Variants in CSMD3 observed in about 807,000 individuals in gnomAD.
CSMD3 encodes CUB and Sushi multiple domains 3.
Under a neutral mutation model 435.2 loss-of-function variants are expected in CSMD3, and 177 were observed. The observed-to-expected ratio is 0.41, with a 90% CI of 0.36 to 0.46. CSMD3 has a LOEUF of 0.46. Ranked by LOEUF, CSMD3 falls within the 20% of genes least tolerant of loss-of-function variation. The pLI is 0.34. For missense variants in CSMD3, 4,265 were observed against 4,504.6 expected, an observed-to-expected ratio of 0.95 and a Z score of 1.52; for synonymous variants, 1,656 against 1,520.5, an observed-to-expected ratio of 1.09 and a Z score of -2.07.
intron 45 of CSMD3, among the ~76,000 whole-genome samples, chr8:112,320,637 C>T (rs1340915847): frequency 1.4e-5 from 2 of 138,320 alleles, no homozygotes; most frequent in East Asian, 5.0e-4. Context: ...TATCCCTCCC[C>T]CCTCCCCTCC....
intron 1 of CSMD3, among the ~76,000 whole-genome samples, chr8:113,385,878 A>G (rs975267739): frequency 9.9e-5 from 15 of 152,102 alleles, no homozygotes; most frequent in Non-Finnish European, 2.2e-4. Flanking sequence ...GCTTTTTATT[A>G]AAATTCAATT....
intron 10 of CSMD3, among the ~76,000 whole-genome samples, chr8:112,881,247 G>A (rs564946548): frequency 6.6e-6 from 1 of 152,074 alleles, no homozygotes; most frequent in East Asian, 1.9e-4. Context: ...GGGGTGTCCT[G>A]AGGGTGTATA....
At chr8:112,972,064 A>G (rs1007107037) in intron 7 of CSMD3, among the ~76,000 whole-genome samples, 4 of 151,958 alleles carry the variant, frequency 2.6e-5, no homozygotes, top group Non-Finnish European at 5.9e-5. Flanking sequence ...CACTTAATTA[A>G]CACATAGATT....
intron 10 of CSMD3, among the ~76,000 whole-genome samples, chr8:112,908,237 T>C (rs1196302227): frequency 6.6e-6 from 1 of 151,482 alleles, no homozygotes; most frequent in African/African-American, 2.4e-5. Context: ...GAAGGGTATA[T>C]CCTGTATTTA....
chr8:113,033,747 A>C (rs1189311741), intron 5 of CSMD3, among the ~76,000 whole-genome samples: 1 of 151,232 alleles, frequency 6.6e-6, no homozygotes, highest in Non-Finnish European at 1.5e-5. Flanking sequence ...TGAAATGTGA[A>C]AAGTACATGA....
intron 10 of CSMD3, among the ~76,000 whole-genome samples, chr8:112,878,150 A>T (rs568655443): frequency 6.6e-6 from 1 of 152,276 alleles, no homozygotes; most frequent in Non-Finnish European, 1.5e-5. Context: ...ATGGGAGAAA[A>T]TTTTTGCAAT....
chr8:112,887,147 T>C (rs1174916961), intron 10 of CSMD3, among the ~76,000 whole-genome samples: 2 of 151,284 alleles, frequency 1.3e-5, no homozygotes, highest in Non-Finnish European at 3.0e-5. Flanking sequence ...CAGTTAAAGC[T>C]CACCTATCAT....
chr8:112,661,983 G>A (rs952253680), intron 17 of CSMD3, among the ~76,000 whole-genome samples: 1 of 152,082 alleles, frequency 6.6e-6, no homozygotes, highest in Non-Finnish European at 1.5e-5. Flanking sequence ...ATGGGGAAAT[G>A]AGGACTGAAG....
intron 13 of CSMD3, among the ~76,000 whole-genome samples, chr8:112,794,275 G>T (rs1419857930): frequency 1.3e-5 from 2 of 148,820 alleles, no homozygotes; most frequent in Non-Finnish European, 3.0e-5. Flanking sequence ...CCAGATGCTG[G>T]ACTGATAAAC....
rs34549872 is a variant in CSMD3 at position 113,395,608 on chromosome 8, C to CAA, written c.178+41067_178+41068dup. Among the ~76,000 whole-genome samples, 406 of 110,650 alleles carry CAA rather than the reference C, an allele frequency of 3.7e-3. 4 individuals carry two copies. Among genetic ancestry groups the CAA allele is most frequent in the African/African-American group, 1.0e-2 (310 of 31,146 alleles). 72.6% of individuals were successfully genotyped at this position (110,650 alleles called of 152,430 possible). A position where few individuals can be genotyped will look rare whatever the true frequency, so the allele number is the denominator to read the frequency against. On this transcript the variant is annotated intron_variant, in intron 1 of 70. Coordinates refer to ENST00000297405, the MANE Select transcript of CSMD3 (RefSeq NM_198123.2). The stretch of plus-strand genomic sequence containing the variant: ...TGGGTAACCGAGTGAGACTCCGTCT[C>CAA]AAAAAAAAAAAAAAAAAAATTGGAA...
intron 10 of CSMD3, among the ~76,000 whole-genome samples, chr8:112,860,076 A>G (rs1447425318): frequency 6.6e-6 from 1 of 151,818 alleles, no homozygotes; most frequent in Non-Finnish European, 1.5e-5. Context: ...TATCATCATC[A>G]CCACTTTGAA....
intron 1 of CSMD3, among the ~76,000 whole-genome samples, chr8:113,356,266 C>T (rs192889639): frequency 6.6e-6 from 1 of 152,014 alleles, no homozygotes; most frequent in Admixed American, 6.6e-5. Flanking sequence ...GCATATTCAG[C>T]AAATTCTTAA....
intron 41 of CSMD3, among the ~76,000 whole-genome samples, chr8:112,344,608 T>C (rs1431289192): frequency 2.0e-5 from 3 of 152,156 alleles, no homozygotes; most frequent in Non-Finnish European, 2.9e-5. Flanking sequence ...TGTGCTTCAA[T>C]GAGTATCTAT....
chr8:112,540,923 A>G (rs1563679540), intron 27 of CSMD3, among the ~76,000 whole-genome samples: 1 of 152,098 alleles, frequency 6.6e-6, no homozygotes, highest in Non-Finnish European at 1.5e-5. Flanking sequence ...AGAATATTTA[A>G]AATGTACTAC....
chr8:112,565,150 A>G (rs1051623866), intron 24 of CSMD3, among the ~76,000 whole-genome samples: 5 of 152,084 alleles, frequency 3.3e-5, no homozygotes, highest in Non-Finnish European at 7.4e-5. Context: ...ACTTTGGACT[A>G]TATCACGCAG....
rs879809802 is a variant in CSMD3 at position 112,440,403 on chromosome 8, A to C, written c.5396-31371T>G. On this transcript the variant is annotated intron_variant, in intron 32 of 70. Transcript: ENST00000297405. ...ATAGCCACCCCTCCTGGCTGCTTTCATGACTTGGTGTTGAGTGTCCATGGC... is the reference window on the plus strand; with the variant it reads ...ATAGCCACCCCTCCTGGCTGCTTTCCTGACTTGGTGTTGAGTGTCCATGGC... Among the ~76,000 whole-genome samples, 594 of 152,134 alleles carry C rather than the reference A, an allele frequency of 3.9e-3. 5 individuals carry two copies. Among genetic ancestry groups the C allele is most frequent in the Non-Finnish European group, 7.1e-3 (481 of 67,986 alleles).
At chr8:112,816,544 A>G (rs930589544) in intron 12 of CSMD3, among the ~76,000 whole-genome samples, 2 of 152,114 alleles carry the variant, frequency 1.3e-5, no homozygotes, top group African/African-American at 4.8e-5. Flanking sequence ...TGTTGAAGTC[A>G]AAAGCAAAGT....
intron 6 of CSMD3, among the ~76,000 whole-genome samples, chr8:112,996,064 G>C (rs921599992): frequency 1.3e-5 from 2 of 151,500 alleles, no homozygotes; most frequent in East Asian, 3.9e-4. Context: ...GCTAAGTTAA[G>C]CTAATTAATA....
At chr8:112,763,998 T>C (rs1172221434) in intron 13 of CSMD3, among the ~76,000 whole-genome samples, 9 of 151,584 alleles carry the variant, frequency 5.9e-5, no homozygotes, top group Admixed American at 5.9e-4. Flanking sequence ...AGTTTTAAAC[T>C]TTTATATCTT....
Sources: allele counts gnomAD v4.1 joint callset (sites outside exome capture counted in the v4.1 genomes callset), GRCh38; gene constraint gnomAD v4.1.1; transcripts MANE v1.5; gene names NCBI Gene and HGNC (gene_info 2026-07-23, HGNC 2026-07-21).